DGKB: variants seen among roughly 807,000 people sequenced by gnomAD.
The protein encoded by DGKB is 90 kDa diacylglycerol kinase.
A neutral mutation model predicts 114.3 loss-of-function variants in DGKB; 67 were observed. The ratio of observed to expected loss-of-function variants is 0.59; its 90% confidence interval spans 0.48 to 0.72. DGKB has a LOEUF of 0.72. Ranked by LOEUF, DGKB falls within the 30% of genes least tolerant of loss-of-function variation. DGKB has a pLI of 0.00. For synonymous variants in DGKB, 398 were observed against 323.1 expected (o/e 1.23, Z -2.49); for missense variants, 907 against 975.2 (o/e 0.93, Z 0.93).
chr7:14,557,724 T>TA (rs755527700), intron 20 of DGKB, among the ~76,000 whole-genome samples: 6 of 151,412 alleles, frequency 4.0e-5, no homozygotes, highest in Admixed American at 6.6e-5. Flanking sequence ...CCATTTTACC[T>TA]AAAAAAAAAT....
intron 6 of DGKB, among the ~76,000 whole-genome samples, chr7:14,712,468 TCAAGAGCAGCCTGAC>T (rs1827524275): frequency 6.6e-6 from 1 of 151,928 alleles, no homozygotes; most frequent in Non-Finnish European, 1.5e-5. Flanking sequence ...GGTCAGGAGT[TCAAGAGCAGCCTGAC>T]CAACATGGTG....
At chr7:14,706,861 G>C (rs1344093038) in intron 6 of DGKB, among the ~76,000 whole-genome samples, 1 of 121,854 alleles carries the variant, frequency 8.2e-6, no homozygotes, top group African/African-American at 3.2e-5. Context: ...ACAAGAGAAA[G>C]CAGGAAAGAT....
intron 1 of DGKB, among the ~76,000 whole-genome samples, chr7:14,856,605 G>A (rs906303380): frequency 6.6e-6 from 1 of 151,848 alleles, no homozygotes; most frequent in African/African-American, 2.4e-5. Flanking sequence ...TCATATTAGT[G>A]CACGTGGCTC....
intron 2 of DGKB, among the ~76,000 whole-genome samples, chr7:14,781,480 C>T (rs538638217): frequency 1.9e-4 from 29 of 152,250 alleles, no homozygotes; most frequent in African/African-American, 6.5e-4. Context: ...GGTTGCCTCC[C>T]CACAGCTCTC....
At chr7:14,636,339 G>T (rs186893990) in intron 13 of DGKB, among the ~76,000 whole-genome samples, 1 of 151,536 alleles carries the variant, frequency 6.6e-6, no homozygotes, top group Non-Finnish European at 1.5e-5. Context: ...CTCTAAATGC[G>T]CCCTCATTAG....
chr7:14,662,435 G>T (rs1428223141), intron 13 of DGKB, among the ~76,000 whole-genome samples: 1 of 151,846 alleles, frequency 6.6e-6, no homozygotes, highest in Non-Finnish European at 1.5e-5. Context: ...CATAAAAGCG[G>T]ACTCATTTGT....
chr7:14,311,429 A>AT (rs959527182), intron 23 of DGKB, among the ~76,000 whole-genome samples: 87 of 145,558 alleles, frequency 6.0e-4, no homozygotes, highest in African/African-American at 1.1e-3. Flanking sequence ...ATTTTTCATC[A>AT]TTTTTTTTTT....
chr7:14,179,464 G>C (rs1782304343), intron 23 of DGKB, among the ~76,000 whole-genome samples: 1 of 152,152 alleles, frequency 6.6e-6, no homozygotes, highest in South Asian at 2.1e-4. Flanking sequence ...TATTATACAA[G>C]AAAGCCATGT....
chr7:14,591,065 C>G (rs561848199), intron 17 of DGKB, among the ~76,000 whole-genome samples: 1 of 152,170 alleles, frequency 6.6e-6, no homozygotes, highest in South Asian at 2.1e-4. Context: ...TGATAGAAGA[C>G]AAGTAAACTG....
intron 23 of DGKB, among the ~76,000 whole-genome samples, chr7:14,266,491 G>A (rs956876833): frequency 5.3e-5 from 8 of 152,128 alleles, no homozygotes; most frequent in Admixed American, 1.3e-4. Context: ...TCTTAGAAGA[G>A]CATCCATAAA....
rs1563318130 is a variant in DGKB at position 14,493,930 on chromosome 7, AC to A, written c.1771-15706del. Among the ~76,000 whole-genome samples the A allele has an allele frequency of 1.5e-4, 22 of 144,268 alleles. No homozygotes were observed. In the East Asian group the frequency reaches 3.5e-3, roughly 23 times the overall value. The allele number at this position is 144,268 out of a possible 152,430, so 94.6% of individuals were successfully genotyped here. ...CCATGGCTATCATGGTATCATACACACACACACACACACACACACACACACA... is the reference window on the plus strand; with the variant it reads ...CCATGGCTATCATGGTATCATACACAACACACACACACACACACACACACA... On this transcript the variant is annotated intron_variant, in intron 20 of 25. Coordinates refer to ENST00000402815, the MANE Select transcript of DGKB (RefSeq NM_001350709.2).
chr7:14,353,718 AC>A (rs1813923361), intron 21 of DGKB, among the ~76,000 whole-genome samples: 1 of 152,172 alleles, frequency 6.6e-6, no homozygotes, highest in Non-Finnish European at 1.5e-5. Flanking sequence ...ATATTAGAAA[AC>A]CTAAATGAAT....
chr7:14,312,254 C>T (rs140652370), intron 23 of DGKB, among the ~76,000 whole-genome samples: 1 of 152,264 alleles, frequency 6.6e-6, no homozygotes, highest in African/African-American at 2.4e-5. Context: ...CCACACTGGT[C>T]CATTATATCA....
chr7:14,931,408 C>A (rs1785013889), intron 1 of DGKB, among the ~76,000 whole-genome samples: 1 of 152,214 alleles, frequency 6.6e-6, no homozygotes, highest in South Asian at 2.1e-4. Flanking sequence ...CCGTGCCCAG[C>A]AGTTTGCTAG....
intron 21 of DGKB, among the ~76,000 whole-genome samples, chr7:14,387,428 A>T (rs2128698949): frequency 6.6e-6 from 1 of 151,822 alleles, no homozygotes; most frequent in Non-Finnish European, 1.5e-5. Flanking sequence ...AAAAAAAAAA[A>T]AAAAGACAGG....
At chr7:14,163,428 C>A (rs773771590) in intron 25 of DGKB, among the ~76,000 whole-genome samples, 1 of 152,070 alleles carries the variant, frequency 6.6e-6, no homozygotes, top group African/African-American at 2.4e-5. Flanking sequence ...GGGGAACACA[C>A]AAAATAATGT....
At chr7:14,314,401 G>C (rs995120402) in intron 23 of DGKB, among the ~76,000 whole-genome samples, 68 of 150,584 alleles carry the variant, frequency 4.5e-4, no homozygotes, top group African/African-American at 1.6e-3. Flanking sequence ...TTAGAAGAAT[G>C]TATAACTAGA....
intron 1 of DGKB, among the ~76,000 whole-genome samples, chr7:14,925,613 C>T (rs1010333419): frequency 2.6e-5 from 4 of 152,062 alleles, no homozygotes; most frequent in Non-Finnish European, 4.4e-5. Context: ...TTCTATACGT[C>T]TTTGGTGAGA....
At chr7:14,350,191 A>G (rs916384030) in intron 21 of DGKB, among the ~76,000 whole-genome samples, 9 of 152,156 alleles carry the variant, frequency 5.9e-5, no homozygotes, top group African/African-American at 1.7e-4. Flanking sequence ...TATCCTGAGT[A>G]ATGTGAACTA....
Sources: allele counts gnomAD v4.1 joint callset (sites outside exome capture counted in the v4.1 genomes callset), GRCh38; gene constraint gnomAD v4.1.1; transcripts MANE v1.5; gene names NCBI Gene and HGNC (gene_info 2026-07-23, HGNC 2026-07-21).